Variants in PTPRN2 observed in about 807,000 individuals in gnomAD.
PTPRN2 encodes receptor-type tyrosine-protein phosphatase N2.
In PTPRN2, 74 loss-of-function variants were observed where a neutral mutation model predicts 118.8. The observed-to-expected ratio is 0.62, with a 90% confidence interval of 0.52 to 0.76. The LOEUF (loss-of-function observed/expected upper bound fraction) is 0.76. Among genes scored for constraint, PTPRN2 ranks in the 30% least tolerant of loss-of-function variants. PTPRN2 has a pLI of 0.00. For missense variants in PTPRN2, 1,481 were observed against 1,394.4 expected (o/e 1.06, Z -0.99); for synonymous variants, 641 against 608.0 (o/e 1.05, Z -0.80).
chr7:158,555,016 C>G lies in PTPRN2; in HGVS notation c.112+32542G>C, dbSNP rs1219932628. 6.6e-6 allele frequency among the ~76,000 whole-genome samples: 1 copy of G among 152,160 alleles called. No individual in the cohort carries two copies. Among genetic ancestry groups the G allele is most frequent in the African/African-American group, 2.4e-5 (1 of 41,446 alleles). On this transcript the variant is annotated intron_variant, in intron 1 of 22. Transcript: ENST00000389418. The surrounding 1 kb of genome is among the most constrained non-coding windows in gnomAD (Gnocchi z 4.7). The stretch of plus-strand genomic sequence containing the variant: ...CTCCTCGACTACCAACTCCCCTCAC[C>G]GGAGATGCCTGCCTGGGCCCTGAAT...
At chr7:158,146,372 G>A (rs1031144896) in intron 6 of PTPRN2, among the ~76,000 whole-genome samples, 2 of 152,104 alleles carry the variant, frequency 1.3e-5, no homozygotes, top group African/African-American at 2.4e-5. Context: ...CCCATTGATT[G>A]CACCAACCTG....
chr7:157,576,555 G>C, intron 19 of PTPRN2, 58 bp downstream of exon 19: 1 of 1,465,598 alleles, frequency 6.8e-7, no homozygotes, highest in Non-Finnish European at 9.2e-7. Flanking sequence ...CCGAAGCCTC[G>C]CTCCCCTGTG....
chr7:157,898,336 A>AT (rs1460568333), intron 12 of PTPRN2, among the ~76,000 whole-genome samples: 1 of 152,150 alleles, frequency 6.6e-6, no homozygotes, highest in Non-Finnish European at 1.5e-5. Flanking sequence ...GCCCATATTC[A>AT]TTTTCACACA....
chr7:158,404,875 T>TCCAGCTCCCC (rs1813272437), intron 2 of PTPRN2, among the ~76,000 whole-genome samples: 1 of 68,220 alleles, frequency 1.5e-5, no homozygotes, highest in African/African-American at 7.1e-5. Flanking sequence ...CCCAGCTCCC[T>TCCAGCTCCCC]GGCCTCCAGC....
chr7:158,368,933 G>A (rs954755577), intron 2 of PTPRN2, among the ~76,000 whole-genome samples: 6 of 152,198 alleles, frequency 3.9e-5, no homozygotes, highest in Admixed American at 6.5e-5. Flanking sequence ...TTGATCCTGG[G>A]TGTGTCTGTG....
chr7:158,173,440 G>A (rs999380721), intron 5 of PTPRN2, among the ~76,000 whole-genome samples: 2 of 152,206 alleles, frequency 1.3e-5, no homozygotes, highest in Admixed American at 1.3e-4. Flanking sequence ...TTCAAAAGGG[G>A]AGGGGTGTAC....
At chr7:158,012,901 C>A (rs925591243) in intron 11 of PTPRN2, among the ~76,000 whole-genome samples, 1 of 152,194 alleles carries the variant, frequency 6.6e-6, no homozygotes, top group African/African-American at 2.4e-5. Context: ...CCAAATCAAA[C>A]CCTCAGTTCT....
intron 2 of PTPRN2, among the ~76,000 whole-genome samples, chr7:158,450,870 C>T (rs1439695561): frequency 6.6e-6 from 1 of 152,196 alleles, no homozygotes; most frequent in Non-Finnish European, 1.5e-5. Context: ...GGGCAAGGAG[C>T]GAAACCTCAG....
chr7:158,158,248 T>C (rs905826556), intron 6 of PTPRN2, among the ~76,000 whole-genome samples: 32 of 152,354 alleles, frequency 2.1e-4, no homozygotes, highest in Admixed American at 5.9e-4. Context: ...CAGTTATTTC[T>C]GTGTTATAAT....
intron 2 of PTPRN2, among the ~76,000 whole-genome samples, chr7:158,359,723 G>C (rs190317493): frequency 1.1e-4 from 17 of 152,314 alleles, no homozygotes; most frequent in African/African-American, 3.8e-4. Context: ...TGTACACGTG[G>C]TGTTGTCGAT....
At chr7:158,050,987 C>T (rs946133403) in intron 11 of PTPRN2, among the ~76,000 whole-genome samples, 2 of 152,210 alleles carry the variant, frequency 1.3e-5, no homozygotes, top group Admixed American at 6.5e-5. Flanking sequence ...CCCAGGGGCA[C>T]GCCATGGCGG....
chr7:158,071,579 GC>G (rs1811708830), intron 11 of PTPRN2, among the ~76,000 whole-genome samples: 1 of 13,456 alleles, frequency 7.4e-5, no homozygotes, highest in African/African-American at 2.0e-4. Context: ...TGGTGGAGGT[GC>G]TCCTGGTGGA....
At chr7:157,825,416 C>G (rs370541679) in intron 12 of PTPRN2, among the ~76,000 whole-genome samples, 12 of 152,168 alleles carry the variant, frequency 7.9e-5, no homozygotes, top group African/African-American at 2.2e-4. Flanking sequence ...TGCCTCCCCC[C>G]CAGACTTCTT....
chr7:157,913,312 T>G (rs944285328), intron 11 of PTPRN2, among the ~76,000 whole-genome samples: 4 of 152,250 alleles, frequency 2.6e-5, no homozygotes, highest in Non-Finnish European at 5.9e-5. Context: ...TACCTGGATC[T>G]TCTTCTGTCT....
chr7:157,767,035 A>G (rs924512605), intron 12 of PTPRN2, among the ~76,000 whole-genome samples: 8 of 152,028 alleles, frequency 5.3e-5, no homozygotes, highest in African/African-American at 1.4e-4. Flanking sequence ...GCACCATACA[A>G]TAGTCACTCC....
intron 3 of PTPRN2, among the ~76,000 whole-genome samples, chr7:158,263,102 G>A (rs1797627374): frequency 9.8e-6 from 1 of 102,078 alleles, no homozygotes; most frequent in South Asian, 2.8e-4. Context: ...TTCACACACT[G>A]CACACACACA....
intron 12 of PTPRN2, among the ~76,000 whole-genome samples, chr7:157,876,430 A>G (rs1022026525): frequency 6.6e-6 from 1 of 152,344 alleles, no homozygotes; most frequent in East Asian, 1.9e-4. Context: ...CTAAAGCCAC[A>G]GCATTTTCTT....
intron 6 of PTPRN2, among the ~76,000 whole-genome samples, chr7:158,153,807 A>G (rs1200552326): frequency 6.6e-6 from 1 of 150,854 alleles, no homozygotes; most frequent in Non-Finnish European, 1.5e-5. Context: ...CAGAGGCAGG[A>G]GGCCAGGTCT....
chr7:157,688,895 G>C (rs1230841516), intron 12 of PTPRN2, among the ~76,000 whole-genome samples: 1 of 152,170 alleles, frequency 6.6e-6, no homozygotes, highest in Non-Finnish European at 1.5e-5. Flanking sequence ...ATAAAGATCA[G>C]GCCCCAGCGC....
Sources: gnomAD v4.1 joint callset for allele counts (sites outside exome capture counted in the v4.1 genomes callset) on GRCh38, gnomAD v4.1.1 for gene constraint, Gnocchi (gnomAD v3.1) non-coding constraint, MANE v1.5 for transcripts, NCBI Gene and HGNC (gene_info 2026-07-23, HGNC 2026-07-21) for gene names.